The following PIK3R5 variants were observed in gnomAD, a reference collection of about 807,000 sequenced individuals.
PIK3R5 encodes the protein phosphoinositide 3-kinase regulatory subunit 5.
A neutral mutation model predicts 94.9 loss-of-function variants in PIK3R5; 32 were observed. The observed-to-expected ratio is 0.34, with a 90% CI of 0.25 to 0.45. The LOEUF (loss-of-function observed/expected upper bound fraction) is 0.45, where lower values mean the gene tolerates loss of function less well. Among genes scored for constraint, PIK3R5 ranks in the 20% least tolerant of loss-of-function variants. The probability of loss-of-function intolerance (pLI) is 1.00; values close to 1 mark genes in which losing one functional copy is unlikely to be tolerated. For synonymous variants in PIK3R5, 443 were observed against 479.4 expected (o/e 0.92, Z 0.99); for missense variants, 853 against 1,144.6 (o/e 0.75, Z 3.68).
At position 8,888,371 on chromosome 17, in the gene PIK3R5, C is replaced by T; in HGVS notation, c.1416G>A (p.Arg472=). Reference sequence around the variant, plus strand: ...GGGGCAGGGAGCGGGAGCGCTGGGCCCGGGAAGGGGGTGATACTGGTTCGT... The same window carrying T: ...GGGGCAGGGAGCGGGAGCGCTGGGCTCGGGAAGGGGGTGATACTGGTTCGT... ...PLDEPVSPPS[R]AQRSRSLPQP... Residue 472 remains arginine, a synonymous_variant, in exon 10 of 19, where the codon CGG becomes CGA. Transcript: ENST00000447110. This position sits in a 1 kb window ranked among gnomAD's most constrained non-coding sequence, Gnocchi z 7.8. 6.2e-7 allele frequency: 1 copy of T among 1,608,568 alleles called. No individual in the cohort carries two copies. Among genetic ancestry groups the T allele is most frequent in the Non-Finnish European group, 8.5e-7 (1 of 1,178,662 alleles).
intron 5 of PIK3R5, among the ~76,000 whole-genome samples, chr17:8,900,455 C>T (rs2090255327): frequency 6.6e-6 from 1 of 152,176 alleles, no homozygotes; most frequent in African/African-American, 2.4e-5. Context: ...TTGATGGTTT[C>T]CTATTTTGGT....
At chr17:8,902,046 CTTTT>C (rs1051717615) in intron 5 of PIK3R5, among the ~76,000 whole-genome samples, 18 of 151,572 alleles carry the variant, frequency 1.2e-4, no homozygotes, top group Admixed American at 1.1e-3. Flanking sequence ...TTTGTTCTTT[CTTTT>C]TAATTTTTGC....
At chr17:8,949,311 C>T (rs2091332316) in intron 1 of PIK3R5, among the ~76,000 whole-genome samples, 1 of 152,136 alleles carries the variant, frequency 6.6e-6, no homozygotes, top group South Asian at 2.1e-4. Flanking sequence ...GAAGGTTGTA[C>T]CAGCCACAGG....
chr17:8,934,725 A>G (rs1347534091), intron 1 of PIK3R5, among the ~76,000 whole-genome samples: 1 of 152,218 alleles, frequency 6.6e-6, no homozygotes, highest in African/African-American at 2.4e-5. Flanking sequence ...GATCAACACA[A>G]TAAGTCGTAT....
intron 5 of PIK3R5, among the ~76,000 whole-genome samples, chr17:8,895,417 C>T (rs908645261): frequency 8.5e-5 from 13 of 152,226 alleles, no homozygotes; most frequent in East Asian, 3.9e-4. Context: ...ACTCTGACGT[C>T]GCTCTCCCTC....
chr17:8,889,089 C>T lies in PIK3R5; in HGVS notation c.895+50G>A, dbSNP rs755608781. 3 of 1,575,044 alleles carry T rather than the reference C, an allele frequency of 1.9e-6. No individual in the cohort carries two copies. In the South Asian group the frequency reaches 3.4e-5, roughly 18 times the overall value. ...CTGCATGGACCCAGGACCAGAAACA[C>T]AGCTCAGGCAGTGTGGGGCATGGGT... On this transcript the variant is annotated intron_variant, in intron 9 of 18. Transcript: ENST00000447110. This position sits in a 1 kb window ranked among gnomAD's most constrained non-coding sequence, Gnocchi z 4.1.
chr17:8,885,117 C>G, intron 14 of PIK3R5: 1 of 316,212 alleles, frequency 3.2e-6, no homozygotes, highest in East Asian at 9.1e-5. Context: ...TCACACCTTC[C>G]CAGGGTCCTG....
chr17:8,905,610 T>C (rs368262215), intron 4 of PIK3R5, 59 bp downstream of exon 4: 2 of 1,284,456 alleles, frequency 1.6e-6, no homozygotes, highest in Non-Finnish European at 2.2e-6. Flanking sequence ...CTGCCCCAGA[T>C]AGAGGTCGCT....
chr17:8,931,618 C>G (rs903618116), intron 1 of PIK3R5, among the ~76,000 whole-genome samples: 1 of 152,066 alleles, frequency 6.6e-6, no homozygotes, highest in Non-Finnish European at 1.5e-5. Flanking sequence ...AATGGCTGGA[C>G]TGTGTGGGGC....
At chr17:8,948,592 G>C (rs2091319582) in intron 1 of PIK3R5, among the ~76,000 whole-genome samples, 1 of 152,170 alleles carries the variant, frequency 6.6e-6, no homozygotes, top group African/African-American at 2.4e-5. Flanking sequence ...CAGAAGGGAA[G>C]TGCACATTCC....
Position 8,882,679 on chromosome 17 carries a change from C to A in PIK3R5, c.2206-798G>T, listed in dbSNP as rs373495. ...TAATATGTCCCGACCCAAACTCAAG[C>A]TCTTCCCCAACTGGACCCCGGCCTC... On this transcript the variant is annotated intron_variant, in intron 15 of 18. Coordinates refer to ENST00000447110, the MANE Select transcript of PIK3R5 (RefSeq NM_001142633.3). The surrounding 1 kb of genome is among the most constrained non-coding windows in gnomAD (Gnocchi z 4.1). Among the ~76,000 whole-genome samples, 28,933 of 151,920 alleles carry A rather than the reference C, an allele frequency of 0.19. 3,832 individuals carry two copies. Among genetic ancestry groups the A allele is most frequent in the African/African-American group, 0.37 (15,406 of 41,332 alleles).
chr17:8,885,231 C>T (rs1174518032), intron 14 of PIK3R5: 2 of 222,948 alleles, frequency 9.0e-6, no homozygotes, highest in South Asian at 9.5e-5. Context: ...CCCCCCTTCC[C>T]ATGGTCCTGC....
chr17:8,886,671 G>A, intron 12 of PIK3R5, 66 bp from the exon 13 acceptor site: 1 of 1,494,942 alleles, frequency 6.7e-7, no homozygotes, highest in South Asian at 1.3e-5. Context: ...GAAGGAGCAA[G>A]AATTAGGGAG....
intron 1 of PIK3R5, among the ~76,000 whole-genome samples, chr17:8,922,803 G>A (rs2090782515): frequency 6.6e-6 from 1 of 152,122 alleles, no homozygotes; most frequent in African/African-American, 2.4e-5. Flanking sequence ...GGCAGGAGAA[G>A]GACTCTGGGG....
chr17:8,880,812 A>G (rs1286750137), intron 18 of PIK3R5, 26 bp from the exon 19 acceptor site: 1 of 1,612,742 alleles, frequency 6.2e-7, no homozygotes, highest in Non-Finnish European at 8.5e-7. Context: ...GGGGCCAGGG[A>G]TCAGAGCAGG....
In PIK3R5 at chr17:8,965,139, G is replaced by A. The variant is rs1035077704; in HGVS notation, c.-14+457C>T. 2.0e-5 allele frequency among the ~76,000 whole-genome samples: 3 copies of A among 152,266 alleles called. No homozygotes were observed. The South Asian group carries it at 6.2e-4, about 31-fold the overall frequency. On this transcript the variant is annotated intron_variant, in intron 1 of 18. Transcript: ENST00000447110. ...TGGGCCCAAGGCTGGCTAACTAGCAGGCTGAGTGAGGCTCGACGGAGGGCG... is the reference window on the plus strand; with the variant it reads ...TGGGCCCAAGGCTGGCTAACTAGCAAGCTGAGTGAGGCTCGACGGAGGGCG...
At chr17:8,922,155 G>A (rs2090763153) in intron 1 of PIK3R5, among the ~76,000 whole-genome samples, 1 of 151,992 alleles carries the variant, frequency 6.6e-6, no homozygotes, top group Admixed American at 6.6e-5. Flanking sequence ...GAGGGAAGGT[G>A]GGAGGGTGGG....
At position 8,884,609 on chromosome 17, in the gene PIK3R5, G is replaced by A. The variant is rs1201186605; in HGVS notation, c.2205+98C>T. 19 of 919,548 alleles carry A rather than the reference G, an allele frequency of 2.1e-5. No individual in the cohort carries two copies. Among genetic ancestry groups the A allele is most frequent in the Non-Finnish European group, 2.6e-5 (15 of 573,362 alleles). 57.0% of individuals were successfully genotyped at this position (919,548 alleles called of 1,614,324 possible). ...GCAGCCTTCCAGCGTAAAGACTGGG[G>A]CCCAGGAACACACGAGTCCAGCTCT... On this transcript the variant is annotated intron_variant, in intron 15 of 18. Coordinates refer to ENST00000447110, the MANE Select transcript of PIK3R5 (RefSeq NM_001142633.3). This position sits in a 1 kb window ranked among gnomAD's most constrained non-coding sequence, Gnocchi z 5.8.
intron 1 of PIK3R5, among the ~76,000 whole-genome samples, chr17:8,918,358 G>C (rs993631605): frequency 2.0e-5 from 3 of 152,194 alleles, no homozygotes; most frequent in African/African-American, 7.2e-5. Flanking sequence ...CATGGGGAGT[G>C]TCAAAAGGAC....
Sources: gnomAD v4.1 joint callset for allele counts (sites outside exome capture counted in the v4.1 genomes callset) on GRCh38, gnomAD v4.1.1 for gene constraint, Gnocchi (gnomAD v3.1) non-coding constraint, MANE v1.5 for transcripts, NCBI Gene and HGNC (gene_info 2026-07-23, HGNC 2026-07-21) for gene names.